The following THSD4 variants were observed in gnomAD, a reference collection of about 807,000 sequenced individuals.
THSD4 encodes thrombospondin type 1 domain containing 4.
THSD4 carries 69 observed loss-of-function variants against 119.0 expected under a neutral mutation model. The observed-to-expected ratio is 0.58, with a 90% CI of 0.48 to 0.71. The LOEUF is 0.71. Among genes scored for constraint, THSD4 ranks in the 30% least tolerant of loss-of-function variants. The pLI, the probability that THSD4 is intolerant of heterozygous loss-of-function variation, is 0.00. For synonymous variants in THSD4, 524 were observed against 540.4 expected (o/e 0.97, Z 0.42); for missense variants, 1,393 against 1,391.1 (o/e 1.00, Z -0.02).
chr15:71,150,731 A>G (rs868708199), intron 2 of THSD4, among the ~76,000 whole-genome samples: 3 of 152,362 alleles, frequency 2.0e-5, no homozygotes, highest in South Asian at 2.1e-4. Context: ...GAGAGGGGTA[A>G]CATAGAAATT....
chr15:71,700,124 T>C (rs549057879), intron 8 of THSD4, among the ~76,000 whole-genome samples: 176 of 152,218 alleles, frequency 1.2e-3, no homozygotes, highest in Admixed American at 2.2e-3. Context: ...AAATGAGGTA[T>C]AAAGATTGTA....
intron 17 of THSD4, among the ~76,000 whole-genome samples, chr15:71,776,371 A>T (rs2053912990): frequency 6.6e-6 from 1 of 152,240 alleles, no homozygotes; most frequent in South Asian, 2.1e-4. Flanking sequence ...AATTTTCGTG[A>T]ATCATTTTTT....
intron 6 of THSD4, among the ~76,000 whole-genome samples, chr15:71,384,472 G>A (rs1017878752): frequency 1.4e-4 from 22 of 152,142 alleles, no homozygotes; most frequent in African/African-American, 4.6e-4. Flanking sequence ...TTATCTGAAG[G>A]TATACCTTTA....
At chr15:71,495,749 C>A (rs1402163501) in intron 7 of THSD4, among the ~76,000 whole-genome samples, 2 of 152,182 alleles carry the variant, frequency 1.3e-5, no homozygotes, top group Non-Finnish European at 2.9e-5. Flanking sequence ...AACGCTTAAT[C>A]CCAGGTAAAA....
At chr15:71,308,727 A>G (rs1050202286) in intron 6 of THSD4, among the ~76,000 whole-genome samples, 2 of 152,196 alleles carry the variant, frequency 1.3e-5, no homozygotes, top group Non-Finnish European at 2.9e-5. Context: ...TTCACGTGCA[A>G]GTTATCGTGT....
At chr15:71,744,898 AC>A (rs2053305159) in intron 11 of THSD4, among the ~76,000 whole-genome samples, 4 of 152,024 alleles carry the variant, frequency 2.6e-5, no homozygotes, top group South Asian at 2.1e-4. Flanking sequence ...TCTTCTTTGC[AC>A]CCCCACAGTT....
chr15:71,108,946 C>G (rs748645915), intron 1 of THSD4, among the ~76,000 whole-genome samples: 5 of 152,076 alleles, frequency 3.3e-5, no homozygotes, highest in Admixed American at 1.3e-4. Context: ...GAGCCAAGAT[C>G]GCACCACTGC....
At chr15:71,586,744 C>T (rs1003925103) in intron 7 of THSD4, among the ~76,000 whole-genome samples, 4 of 152,176 alleles carry the variant, frequency 2.6e-5, no homozygotes, top group Admixed American at 6.5e-5. Flanking sequence ...CATTCACAGT[C>T]GTGGGATTAT....
Position 71,468,291 on chromosome 15 carries a change from C to A in THSD4, c.1152+56468C>A, listed in dbSNP as rs535713456. ...CATGTGTAACTGTGAGTCAGTTAAG[C>A]CTCTTTCCTTTATAAATTACCCAGT... On this transcript the variant is annotated intron_variant, in intron 7 of 17. Coordinates refer to ENST00000261862, the MANE Select transcript of THSD4 (RefSeq NM_024817.3). Among the ~76,000 whole-genome samples, 3 of 152,322 alleles carry A rather than the reference C, an allele frequency of 2.0e-5. No individual in the cohort carries two copies. In the East Asian group the frequency reaches 5.8e-4, roughly 29 times the overall value.
At chr15:71,444,580 C>T (rs149303267) in intron 7 of THSD4, among the ~76,000 whole-genome samples, 11 of 152,342 alleles carry the variant, frequency 7.2e-5, no homozygotes, top group African/African-American at 2.2e-4. Flanking sequence ...TCACGCTGCA[C>T]GTGACTAAAC....
intron 7 of THSD4, among the ~76,000 whole-genome samples, chr15:71,575,995 T>TGA (rs1296363118): frequency 6.6e-6 from 1 of 152,210 alleles, no homozygotes; most frequent in African/African-American, 2.4e-5. Context: ...GCTAAATTTG[T>TGA]TCATTTATAT....
rs1022113956 is a variant in THSD4 at position 71,341,044 on chromosome 15, C to T, written c.1016-70643C>T. On this transcript the variant is annotated intron_variant, in intron 6 of 17. Coordinates refer to ENST00000261862, the MANE Select transcript of THSD4 (RefSeq NM_024817.3). ...TCCCAGTGTCTTGCATTTCCTCTCTCTCCCATTTCTTTTTTCTTTTGTTGC... is the reference window on the plus strand; with the variant it reads ...TCCCAGTGTCTTGCATTTCCTCTCTTTCCCATTTCTTTTTTCTTTTGTTGC... The T allele has an allele frequency of 1.9e-5, 14 of 746,626 alleles. No individual in the cohort carries two copies. In the Admixed American group the frequency reaches 2.1e-4, roughly 11 times the overall value. 46.3% of individuals were successfully genotyped at this position (746,626 alleles called of 1,614,324 possible).
intron 7 of THSD4, among the ~76,000 whole-genome samples, chr15:71,487,414 G>A (rs2047839587): frequency 6.6e-6 from 1 of 152,182 alleles, no homozygotes. Flanking sequence ...TTTCTGGAAA[G>A]TCAACAGTGA....
chr15:71,251,773 T>C (rs1014026895), intron 5 of THSD4, among the ~76,000 whole-genome samples: 10 of 152,258 alleles, frequency 6.6e-5, no homozygotes, highest in Non-Finnish European at 1.2e-4. Context: ...TGATCACTGA[T>C]GGTGGCTCTT....
At chr15:71,128,939 T>C (rs996838336) in intron 1 of THSD4, among the ~76,000 whole-genome samples, 6 of 152,096 alleles carry the variant, frequency 3.9e-5, no homozygotes, top group Non-Finnish European at 8.8e-5. Context: ...AGAACATTAA[T>C]TGCAATTATC....
intron 6 of THSD4, among the ~76,000 whole-genome samples, chr15:71,290,875 C>CTT (rs11438956): frequency 0.014 from 1,798 of 129,358 alleles, 33 homozygotes; most frequent in South Asian, 0.05. Context: ...TCCTTTTTTC[C>CTT]TTTTTTTTTT....
chr15:71,413,481 G>A (rs1057176765), intron 7 of THSD4, among the ~76,000 whole-genome samples: 5 of 152,036 alleles, frequency 3.3e-5, no homozygotes, highest in African/African-American at 1.2e-4. Flanking sequence ...TCTGGCAACC[G>A]GCATTTCACT....
chr15:71,607,505 G>A (rs1489453800), intron 7 of THSD4, among the ~76,000 whole-genome samples: 2 of 152,182 alleles, frequency 1.3e-5, no homozygotes, highest in Non-Finnish European at 2.9e-5. Context: ...GTAGTTCCCT[G>A]TCATTCCGGT....
intron 7 of THSD4, among the ~76,000 whole-genome samples, chr15:71,451,139 C>T (rs2140581908): frequency 6.6e-6 from 1 of 152,240 alleles, no homozygotes; most frequent in Non-Finnish European, 1.5e-5. Flanking sequence ...GGTCACAACA[C>T]TGCACTCCAG....
Sources: allele counts gnomAD v4.1 joint callset (sites outside exome capture counted in the v4.1 genomes callset), GRCh38; gene constraint gnomAD v4.1.1; transcripts MANE v1.5; gene names NCBI Gene and HGNC (gene_info 2026-07-23, HGNC 2026-07-21).